PRKCH: variants seen among roughly 807,000 people sequenced by gnomAD.
PRKCH encodes protein kinase C eta type.
Under a neutral mutation model 82.5 loss-of-function variants are expected in PRKCH, and 28 were observed. The observed-to-expected ratio is 0.34, with a 90% CI of 0.25 to 0.47. The LOEUF (loss-of-function observed/expected upper bound fraction) is 0.47, where lower values mean the gene tolerates loss of function less well. Among genes scored for constraint, PRKCH ranks in the 20% least tolerant of loss-of-function variants. The pLI is 1.00. For synonymous variants in PRKCH, 322 were observed against 327.4 expected (o/e 0.98, Z 0.18); for missense variants, 705 against 881.8 (o/e 0.80, Z 2.54).
chr14:61,500,725 C>T (rs1372939113), intron 10 of PRKCH, among the ~76,000 whole-genome samples: 1 of 152,084 alleles, frequency 6.6e-6, no homozygotes, highest in East Asian at 1.9e-4. Context: ...GCACAGCCCA[C>T]TCTGCAAAGG....
intron 2 of PRKCH, among the ~76,000 whole-genome samples, chr14:61,421,876 C>T (rs1322327610): frequency 1.3e-5 from 2 of 152,044 alleles, no homozygotes; most frequent in African/African-American, 4.8e-5. Flanking sequence ...GGAGGCTTCT[C>T]CAGTAAGGCA....
intron 12 of PRKCH, among the ~76,000 whole-genome samples, chr14:61,546,259 C>T (rs1302979080): frequency 6.6e-6 from 1 of 152,170 alleles, no homozygotes; most frequent in African/African-American, 2.4e-5. Context: ...TCTCCTGAAT[C>T]CTGGGTGACC....
chr14:61,485,639 T>C lies in PRKCH; in HGVS notation c.1416T>C (p.Asp472=). ...EIISALMFLH[D]KGIIYRDLKL... Reference sequence around the variant, plus strand: ...TTTCGGCTCTCATGTTCCTCCATGATAAAGGAATCATCTATAGGTGAGTTT... The same window carrying C: ...TTTCGGCTCTCATGTTCCTCCATGACAAAGGAATCATCTATAGGTGAGTTT... Residue 472 remains aspartate, a synonymous_variant, in exon 10 of 14, where the codon GAT becomes GAC. Transcript: ENST00000332981. 1.9e-6 allele frequency: 3 copies of C among 1,614,104 alleles called. No homozygotes were observed. The highest frequency in any genetic ancestry group is 2.5e-6 in the Non-Finnish European group (3 of 1,179,960).
At chr14:61,449,313 C>T (rs954807245) in intron 5 of PRKCH, 61 bp downstream of exon 5, 44 of 1,401,960 alleles carry the variant, frequency 3.1e-5, no homozygotes, top group South Asian at 2.2e-4. Flanking sequence ...TGTGTACCGC[C>T]GTCTCTCTCC....
At chr14:61,522,179 C>G (rs2042915160) in intron 10 of PRKCH, among the ~76,000 whole-genome samples, 1 of 152,208 alleles carries the variant, frequency 6.6e-6, no homozygotes, top group Admixed American at 6.5e-5. Context: ...TGCTTTCCCC[C>G]AGTAGTTCTT....
chr14:61,225,301 T>C (rs1166477576), intron 1 of PRKCH, among the ~76,000 whole-genome samples: 2 of 152,258 alleles, frequency 1.3e-5, no homozygotes, highest in African/African-American at 2.4e-5. Flanking sequence ...AACCTATTTC[T>C]ATGTTATCAC....
intron 1 of PRKCH, among the ~76,000 whole-genome samples, chr14:61,389,483 G>A (rs7350712): frequency 3.3e-5 from 5 of 152,148 alleles, no homozygotes; most frequent in Admixed American, 1.3e-4. Context: ...TTGAGCCTAA[G>A]AGTTTGAGAC....
At chr14:61,370,103 C>G (rs1201018023) in intron 1 of PRKCH, among the ~76,000 whole-genome samples, 1 of 151,934 alleles carries the variant, frequency 6.6e-6, no homozygotes, top group Non-Finnish European at 1.5e-5. Flanking sequence ...ATCACCACAC[C>G]TGGCTAATTT....
At chr14:61,477,173 A>C (rs1268087777) in intron 9 of PRKCH, 9 of 152,212 alleles carry the variant, frequency 5.9e-5, no homozygotes, top group Admixed American at 5.2e-4. Context: ...CGTCAATAGC[A>C]CTCTGCAGCT....
chr14:61,468,148 G>A (rs1303117469), intron 9 of PRKCH, among the ~76,000 whole-genome samples: 3 of 152,172 alleles, frequency 2.0e-5, no homozygotes, highest in Non-Finnish European at 4.4e-5. Context: ...AAATACCTAA[G>A]GATATTTCCT....
intron 1 of PRKCH, chr14:61,307,297 C>T (rs2045491652): frequency 6.6e-6 from 1 of 152,158 alleles, no homozygotes; most frequent in Non-Finnish European, 1.5e-5. Context: ...TTCACTGGCA[C>T]ATCAAAGAAA....
intron 12 of PRKCH, chr14:61,543,660 A>C (rs376220857): frequency 6.6e-6 from 1 of 152,246 alleles, no homozygotes; most frequent in African/African-American, 2.4e-5. Flanking sequence ...AGGTGAGGCA[A>C]CTTTTCAGTG....
At chr14:61,219,670 T>C (rs2044640585) in intron 1 of PRKCH, among the ~76,000 whole-genome samples, 1 of 152,374 alleles carries the variant, frequency 6.6e-6, no homozygotes, top group Admixed American at 6.5e-5. Context: ...TTACCCATCA[T>C]TAAATAAAAA....
chr14:61,499,318 T>A (rs1288535410), intron 10 of PRKCH, among the ~76,000 whole-genome samples: 4 of 152,242 alleles, frequency 2.6e-5, no homozygotes, highest in African/African-American at 9.7e-5. Flanking sequence ...ACAAGTGCTC[T>A]GTTGCTTTTT....
Position 61,209,417 on chromosome 14 carries a change from C to T in PRKCH, c.-19+21749C>T, listed in dbSNP as rs116325623. On this transcript the variant is annotated intron_variant, in intron 1 of 3. Coordinates refer to the PRKCH transcript ENST00000555185. ...AGATCTTGGATTCCAGCTTCCAGAA[C>T]GGTAAGAAATAAATGTCTGTTCTTT... Among the ~76,000 whole-genome samples the T allele has an allele frequency of 1.4e-3, 207 of 151,144 alleles. 3 individuals are homozygous for T. Among genetic ancestry groups the T allele is most frequent in the African/African-American group, 4.7e-3 (193 of 41,242 alleles).
intron 10 of PRKCH, among the ~76,000 whole-genome samples, chr14:61,523,707 C>T (rs550381135): frequency 5.6e-4 from 86 of 152,312 alleles, no homozygotes; most frequent in African/African-American, 2.0e-3. Flanking sequence ...AGACTCACCA[C>T]CCCCAAATGA....
In PRKCH at chr14:61,413,105, C is replaced by T. The variant is rs548926182; in HGVS notation, c.427+21817C>T. Among the ~76,000 whole-genome samples, 5 of 152,270 alleles carry T rather than the reference C, an allele frequency of 3.3e-5. No individual in the cohort carries two copies. In the East Asian group the frequency reaches 7.7e-4, roughly 23 times the overall value. Reference sequence around the variant, plus strand: ...CAGCTACCATCCTATTTCTTTCCCCCCTTTGCAGCCAACTATCTTGACAAA... The same window carrying T: ...CAGCTACCATCCTATTTCTTTCCCCTCTTTGCAGCCAACTATCTTGACAAA... On this transcript the variant is annotated intron_variant, in intron 2 of 13. Coordinates refer to ENST00000332981, the MANE Select transcript of PRKCH (RefSeq NM_006255.5).
intron 10 of PRKCH, among the ~76,000 whole-genome samples, chr14:61,520,986 T>G (rs758170930): frequency 2.6e-5 from 4 of 152,232 alleles, no homozygotes; most frequent in Non-Finnish European, 4.4e-5. Flanking sequence ...CAAATGTTTA[T>G]GTAGAGGAAC....
chr14:61,405,243 A>G lies in PRKCH; in HGVS notation c.427+13955A>G, dbSNP rs550770408. Among the ~76,000 whole-genome samples the G allele has an allele frequency of 7.2e-5, 11 of 152,342 alleles. No individual in the cohort carries two copies. The South Asian group carries it at 2.3e-3, about 32-fold the overall frequency. ...CAAATTGACTGTCTGGAAATCTATA[A>G]CAAGTCCATGCACTCCTAAATATAA... On this transcript the variant is annotated intron_variant, in intron 2 of 13. Coordinates refer to ENST00000332981, the MANE Select transcript of PRKCH (RefSeq NM_006255.5).
Sources: gnomAD v4.1 joint callset for allele counts (sites outside exome capture counted in the v4.1 genomes callset) on GRCh38, gnomAD v4.1.1 for gene constraint, MANE v1.5 for transcripts, NCBI Gene and HGNC (gene_info 2026-07-23, HGNC 2026-07-21) for gene names.